Variants in PDCD6 observed in about 807,000 individuals in gnomAD.
PDCD6 encodes programmed cell death 6.
In PDCD6, 12 loss-of-function variants were observed where a neutral mutation model predicts 28.3. The ratio of observed to expected loss-of-function variants is 0.42; its 90% CI spans 0.27 to 0.69. PDCD6 has a LOEUF of 0.69. PDCD6 is among the 30% of genes least tolerant of loss of function. The pLI, the probability that PDCD6 is intolerant of heterozygous loss-of-function variation, is 0.22. For synonymous variants in PDCD6, 92 were observed against 108.0 expected, an observed-to-expected ratio of 0.85 and a Z score of 0.92; for missense variants, 226 against 269.9, an observed-to-expected ratio of 0.84 and a Z score of 1.14.
At chr5:279,089 A>G (rs1278356919) in intron 2 of PDCD6, among the ~76,000 whole-genome samples, 1 of 152,178 alleles carries the variant, frequency 6.6e-6, no homozygotes, top group Non-Finnish European at 1.5e-5. Context: ...ACCATTGCAA[A>G]GGGAAGTCAG....
At chr5:286,913 C>T (rs1477062457) in intron 2 of PDCD6, among the ~76,000 whole-genome samples, 7 of 151,784 alleles carry the variant, frequency 4.6e-5, no homozygotes, top group Admixed American at 3.9e-4. Flanking sequence ...GCGGAGGAGT[C>T]GGTATTAGTG....
At position 306,669 on chromosome 5, in the gene PDCD6, C is replaced by T; in HGVS notation, c.276C>T (p.Ile92=). 1 of 1,614,010 alleles carries T rather than the reference C, an allele frequency of 6.2e-7. No homozygotes were observed. Among genetic ancestry groups the T allele is most frequent in the South Asian group, 1.1e-5 (1 of 91,080 alleles). The stretch of plus-strand genomic sequence containing the variant: ...AGTTCACGGGTGTGTGGAAGTACAT[C>T]ACGGACTGGCAGAACGTCTTCCGCA... The part of the protein sequence containing the change: ...FSEFTGVWKY[I]TDWQNVFRTY... The change falls in exon 4 of 6, where the codon ATC becomes ATT. Residue 92 remains isoleucine, a synonymous_variant. Coordinates refer to ENST00000264933, the MANE Select transcript of PDCD6 (RefSeq NM_013232.4).
intron 3 of PDCD6, chr5:304,886 T>A (rs1464293238): frequency 2.0e-5 from 3 of 152,478 alleles, no homozygotes; most frequent in Non-Finnish European, 4.4e-5. Context: ...AGACAGGGTG[T>A]CCCTGTGCTG....
chr5:306,436 TTA>T, intron 3 of PDCD6, 164 bp from the exon 4 acceptor site: 4 of 645,602 alleles, frequency 6.2e-6, no homozygotes, highest in Non-Finnish European at 1.1e-5. Flanking sequence ...TGACAAGACT[TTA>T]AGGGATTTCA....
intron 2 of PDCD6, among the ~76,000 whole-genome samples, chr5:300,551 T>C (rs1739988903): frequency 6.6e-6 from 1 of 152,246 alleles, no homozygotes; most frequent in African/African-American, 2.4e-5. Flanking sequence ...TGGTGACAAG[T>C]GACTCCATGG....
At chr5:274,109 C>T (rs973601883) in intron 2 of PDCD6, among the ~76,000 whole-genome samples, 13 of 152,292 alleles carry the variant, frequency 8.5e-5, no homozygotes, top group African/African-American at 2.9e-4. Flanking sequence ...CTGTGCATCA[C>T]CTGTTAAATA....
chr5:289,854 T>A, intron 2 of PDCD6: 3 of 1,498,376 alleles, frequency 2.0e-6, no homozygotes, highest in Non-Finnish European at 2.8e-6. Flanking sequence ...TTGGTGAATT[T>A]CCAGGAAACA....
chr5:308,802 G>T (rs1488180664), intron 4 of PDCD6: 1 of 152,234 alleles, frequency 6.6e-6, no homozygotes, highest in East Asian at 1.9e-4. Flanking sequence ...CTCTGATGGG[G>T]CCACATGGTG....
intron 2 of PDCD6, 180 bp downstream of exon 2, chr5:272,952 T>C: frequency 8.2e-7 from 1 of 1,213,016 alleles, no homozygotes; most frequent in Non-Finnish European, 1.1e-6. Context: ...CTGTTACTGC[T>C]TGGAGTGCCT....
rs1740444127 is a variant in PDCD6 at position 305,834 on chromosome 5, C to T, written c.209-768C>T. 6.6e-6 allele frequency: 1 copy of T among 152,256 alleles called. No homozygotes were observed. The highest frequency in any genetic ancestry group is 2.4e-5 in the African/African-American group (1 of 41,452). 9.4% of individuals were successfully genotyped at this position (152,256 alleles called of 1,614,324 possible). A position where few individuals can be genotyped will look rare whatever the true frequency, so the allele number is the denominator to read the frequency against. ...TTGGGAAGAAACATCGATGCTGTTT[C>T]TCACATGATTTTTCATCCTGTGGAT... On this transcript the variant is annotated intron_variant, in intron 3 of 5. Transcript: ENST00000264933. This position sits in a 1 kb window ranked among gnomAD's most constrained non-coding sequence, Gnocchi z 4.0.
chr5:286,516 G>T (rs1738975033), intron 2 of PDCD6, among the ~76,000 whole-genome samples: 1 of 151,456 alleles, frequency 6.6e-6, no homozygotes, highest in South Asian at 2.1e-4. Context: ...GAGACCCGGG[G>T]ATGTGCTGAT....
chr5:311,255 C>T, intron 4 of PDCD6, 38 bp from the exon 5 acceptor site: 4 of 1,520,474 alleles, frequency 2.6e-6, no homozygotes, highest in Non-Finnish European at 3.6e-6. Context: ...CCTCCCGTCT[C>T]TCCCAGCCTT....
In PDCD6 at chr5:299,699, G is replaced by A. The variant is rs1330490307; in HGVS notation, c.164-4478G>A. 1.4e-4 allele frequency among the ~76,000 whole-genome samples: 21 copies of A among 152,022 alleles called. No homozygotes were observed. In the East Asian group the frequency reaches 2.5e-3, roughly 18 times the overall value. On this transcript the variant is annotated intron_variant, in intron 2 of 5. Coordinates refer to ENST00000264933, the MANE Select transcript of PDCD6 (RefSeq NM_013232.4). ...CGAGTAGCTGGGACTACAGGCACAC[G>A]CCGCCATGCCTGGCTAATTTTTTGT...
intron 2 of PDCD6, among the ~76,000 whole-genome samples, chr5:273,839 C>A (rs28650039): frequency 0.24 from 36,768 of 151,898 alleles, 6,911 homozygotes; most frequent in African/African-American, 0.53. Flanking sequence ...ACATGCATTT[C>A]TATAGATTGT....
chr5:300,242 C>T (rs1350232742), intron 2 of PDCD6, among the ~76,000 whole-genome samples: 1 of 152,232 alleles, frequency 6.6e-6, no homozygotes, highest in Non-Finnish European at 1.5e-5. Flanking sequence ...ATGGCAAACA[C>T]CTGCTTTCGC....
At chr5:297,499 A>G (rs1424985436) in intron 2 of PDCD6, among the ~76,000 whole-genome samples, 1 of 152,256 alleles carries the variant, frequency 6.6e-6, no homozygotes, top group Non-Finnish European at 1.5e-5. Context: ...TTTTTGAGGT[A>G]TAATTGCTAC....
At chr5:274,610 A>G (rs1037383028) in intron 2 of PDCD6, among the ~76,000 whole-genome samples, 5 of 152,200 alleles carry the variant, frequency 3.3e-5, no homozygotes, top group Admixed American at 2.6e-4. Flanking sequence ...AGCCAGCTCA[A>G]AGCTTTGATG....
chr5:303,473 T>C (rs543187086), intron 2 of PDCD6, among the ~76,000 whole-genome samples: 31 of 152,018 alleles, frequency 2.0e-4, no homozygotes, highest in Middle Eastern at 3.4e-3. Context: ...GAATCTTCAT[T>C]CTCAGAGTTG....
In PDCD6 at chr5:302,070, C is replaced by CTGTGTGTGTGTGTGTGTGTGTG. The variant is rs369323059; in HGVS notation, c.164-2090_164-2069dup. ...GGAGGGCGGATCATTGAGTGCTGCT[C>CTGTGTGTGTGTGTGTGTGTGTG]TGTGTGTGTGTGTGTGTGTGTGTGT... is the stretch of plus-strand genomic sequence containing the variant. On this transcript the variant is annotated intron_variant, in intron 2 of 5. Coordinates refer to ENST00000264933, the MANE Select transcript of PDCD6 (RefSeq NM_013232.4). Among the ~76,000 whole-genome samples, 141 of 57,748 alleles carry CTGTGTGTGTGTGTGTGTGTGTG rather than the reference C, an allele frequency of 2.4e-3. 16 individuals carry two copies. The highest frequency in any genetic ancestry group is 3.8e-3 in the Non-Finnish European group (111 of 29,308). The allele number at this position is 57,748 out of a possible 152,430, so 37.9% of individuals were successfully genotyped here.
Sources: gnomAD v4.1 joint callset for allele counts (sites outside exome capture counted in the v4.1 genomes callset) on GRCh38, gnomAD v4.1.1 for gene constraint, Gnocchi (gnomAD v3.1) non-coding constraint, MANE v1.5 for transcripts, NCBI Gene and HGNC (gene_info 2026-07-23, HGNC 2026-07-21) for gene names.